AGBL4: variants seen among roughly 807,000 people sequenced by gnomAD.
AGBL4 encodes cytosolic carboxypeptidase 6.
AGBL4 carries 58 observed loss-of-function variants against 66.4 expected under a neutral mutation model. The observed-to-expected ratio is 0.87, with a 90% CI of 0.71 to 1.09. The LOEUF is 1.09. AGBL4 is among the 50% of genes least tolerant of loss of function. The probability of loss-of-function intolerance (pLI) is 0.00; values close to 1 mark genes in which losing one functional copy is unlikely to be tolerated. For synonymous variants in AGBL4, 234 were observed against 222.9 expected (o/e 1.05, Z -0.44); for missense variants, 579 against 631.0 (o/e 0.92, Z 0.88).
At chr1:48,792,924 C>G (rs1645586463) in intron 6 of AGBL4, among the ~76,000 whole-genome samples, 1 of 152,192 alleles carries the variant, frequency 6.6e-6, no homozygotes, top group South Asian at 2.1e-4. Flanking sequence ...CTTTCTACCC[C>G]CATTCACACT....
In AGBL4 at chr1:48,533,808, C is replaced by A; in HGVS notation, c.*365G>T. 3.7e-6 allele frequency: 1 copy of A among 272,904 alleles called. No individual in the cohort carries two copies. The highest frequency in any genetic ancestry group is 7.1e-6 in the Non-Finnish European group (1 of 140,678). The allele number at this position is 272,904 out of a possible 1,614,324, so 16.9% of individuals were successfully genotyped here. ...TTTAAAAGGTAACCATCTGCAGTAA[C>A]TATAAAACTTAAAAATGTAAAGTGG... is the stretch of plus-strand genomic sequence containing the variant. On this transcript the variant is annotated 3_prime_UTR_variant, in exon 14 of 14. Coordinates refer to ENST00000371839, the MANE Select transcript of AGBL4 (RefSeq NM_032785.4).
chr1:49,708,475 A>T (rs555006537), intron 2 of AGBL4, among the ~76,000 whole-genome samples: 9 of 152,024 alleles, frequency 5.9e-5, no homozygotes, highest in African/African-American at 1.9e-4. Flanking sequence ...CAAGGTTCTT[A>T]ACTTCCTTGC....
intron 2 of AGBL4, among the ~76,000 whole-genome samples, chr1:49,733,025 G>A (rs1365015484): frequency 6.6e-6 from 1 of 151,832 alleles, no homozygotes; most frequent in Non-Finnish European, 1.5e-5. Flanking sequence ...TATTAAAAAG[G>A]AAAAAAATTA....
chr1:48,750,137 G>T (rs986494411), intron 6 of AGBL4, among the ~76,000 whole-genome samples: 2 of 152,156 alleles, frequency 1.3e-5, no homozygotes, highest in African/African-American at 2.4e-5. Context: ...GGGACCATAT[G>T]GGATTCATCT....
At chr1:49,240,357 C>T (rs528829281) in intron 4 of AGBL4, among the ~76,000 whole-genome samples, 11 of 152,186 alleles carry the variant, frequency 7.2e-5, no homozygotes, top group Admixed American at 7.2e-4. Context: ...CTCCAACTCA[C>T]TCCTTCATCC....
intron 1 of AGBL4, among the ~76,000 whole-genome samples, chr1:49,930,562 C>T (rs932969929): frequency 1.3e-5 from 2 of 151,898 alleles, no homozygotes; most frequent in South Asian, 2.1e-4. Context: ...TCCCACTACA[C>T]AAAAAAACAC....
chr1:49,810,408 C>A (rs995096830), intron 2 of AGBL4, among the ~76,000 whole-genome samples: 1 of 152,038 alleles, frequency 6.6e-6, no homozygotes, highest in Non-Finnish European at 1.5e-5. Flanking sequence ...ACAGTTTAAA[C>A]AATTGTTTTA....
intron 4 of AGBL4, among the ~76,000 whole-genome samples, chr1:49,222,970 G>T (rs1649617669): frequency 1.3e-5 from 2 of 152,042 alleles, no homozygotes; most frequent in African/African-American, 4.8e-5. Flanking sequence ...GCCTAAAAAA[G>T]CTCACCTGTC....
intron 2 of AGBL4, among the ~76,000 whole-genome samples, chr1:49,779,338 G>A (rs1311504275): frequency 6.6e-6 from 1 of 152,186 alleles, no homozygotes; most frequent in African/African-American, 2.4e-5. Flanking sequence ...TACTGCAACA[G>A]TGCAAGGAAG....
chr1:49,225,411 G>T (rs1007191063), intron 4 of AGBL4, among the ~76,000 whole-genome samples: 2 of 152,118 alleles, frequency 1.3e-5, no homozygotes, highest in Admixed American at 1.3e-4. Context: ...AAAGATACAC[G>T]CTATTTAGCT....
intron 5 of AGBL4, among the ~76,000 whole-genome samples, 166 bp from the exon 6 acceptor site, chr1:48,867,396 A>T (rs1648211543): frequency 6.6e-6 from 1 of 152,156 alleles, no homozygotes; most frequent in Non-Finnish European, 1.5e-5. Context: ...TGTACCCTAG[A>T]GACAAAGGGG....
chr1:49,379,068 A>C (rs1412339543), intron 3 of AGBL4, among the ~76,000 whole-genome samples: 1 of 152,098 alleles, frequency 6.6e-6, no homozygotes, highest in African/African-American at 2.4e-5. Flanking sequence ...GACTAGACAA[A>C]TGCGAAATTT....
chr1:48,590,939 A>ATGGTGGAG lies in AGBL4; in HGVS notation c.990_997dup (p.Met333ThrfsTer4). Reference sequence around the variant, plus strand: ...GTTGCCATACATGAAGCCATTCATCATGGTGGAGTGGGCATGGATGTCAAT... The same window carrying ATGGTGGAG: ...GTTGCCATACATGAAGCCATTCATCATGGTGGAGTGGTGGAGTGGGCATGGATGTCAAT... On this transcript the variant is annotated frameshift_variant, in exon 10 of 14. Transcript: ENST00000371839. LOFTEE classifies it high-confidence loss of function. 6.2e-7 allele frequency: 1 copy of ATGGTGGAG among 1,610,850 alleles called. No individual in the cohort carries two copies. Among genetic ancestry groups the ATGGTGGAG allele is most frequent in the Non-Finnish European group, 8.5e-7 (1 of 1,178,786 alleles).
At chr1:49,901,791 T>G (rs565918866) in intron 1 of AGBL4, among the ~76,000 whole-genome samples, 2 of 152,138 alleles carry the variant, frequency 1.3e-5, no homozygotes, top group South Asian at 2.1e-4. Context: ...TCAAACTATA[T>G]TTCAAGGCCA....
intron 3 of AGBL4, among the ~76,000 whole-genome samples, chr1:49,694,354 G>A (rs745427290): frequency 6.6e-6 from 1 of 152,202 alleles, no homozygotes; most frequent in Non-Finnish European, 1.5e-5. Context: ...CTGTGAGCTA[G>A]AGATATATAT....
In AGBL4 at chr1:49,468,597, T is replaced by C. The variant is rs149076911; in HGVS notation, c.283-222733A>G. 4.0e-4 allele frequency among the ~76,000 whole-genome samples: 61 copies of C among 151,986 alleles called. 2 individuals carry two copies. The highest frequency in any genetic ancestry group is 3.5e-4 in the Non-Finnish European group (24 of 67,886). ...TAATCTATTCCTGTAATACACATTC[T>C]CATGTCAAATTTTCTTTGCCGTTCG... On this transcript the variant is annotated intron_variant, in intron 3 of 13. Transcript: ENST00000371839.
At chr1:49,580,445 C>T (rs557791451) in intron 3 of AGBL4, among the ~76,000 whole-genome samples, 7 of 152,166 alleles carry the variant, frequency 4.6e-5, no homozygotes, top group Admixed American at 2.6e-4. Context: ...TGTAATGGTG[C>T]AATTTGATTC....
intron 1 of AGBL4, among the ~76,000 whole-genome samples, chr1:49,902,987 T>A (rs1163019574): frequency 6.6e-6 from 1 of 152,006 alleles, no homozygotes; most frequent in Non-Finnish European, 1.5e-5. Flanking sequence ...AACCCAGTAA[T>A]CCCATTATTG....
intron 6 of AGBL4, among the ~76,000 whole-genome samples, chr1:48,719,161 C>T (rs968464710): frequency 2.0e-5 from 3 of 152,122 alleles, no homozygotes; most frequent in African/African-American, 4.8e-5. Context: ...ACCTGAAATG[C>T]GCCCCCTTCC....
Sources: gnomAD v4.1 joint callset for allele counts (sites outside exome capture counted in the v4.1 genomes callset) on GRCh38, gnomAD v4.1.1 for gene constraint, MANE v1.5 for transcripts, NCBI Gene and HGNC (gene_info 2026-07-23, HGNC 2026-07-21) for gene names.